The following DOP1B variants were observed in gnomAD, a reference collection of about 807,000 sequenced individuals.
DOP1B encodes DOP1 leucine zipper like protein B.
Under a neutral mutation model 233.5 loss-of-function variants are expected in DOP1B, and 174 were observed. The ratio of observed to expected loss-of-function variants is 0.75; its 90% confidence interval spans 0.66 to 0.85. The LOEUF is 0.85. Among genes scored for constraint, DOP1B ranks in the 40% least tolerant of loss-of-function variants. The pLI is 0.00. For synonymous variants in DOP1B, 1,190 were observed against 1,185.6 expected, an observed-to-expected ratio of 1.00 and a Z score of -0.08; for missense variants, 2,652 against 2,846.6, an observed-to-expected ratio of 0.93 and a Z score of 1.56.
intron 35 of DOP1B, among the ~76,000 whole-genome samples, chr21:36,289,638 T>C (rs2067534673): frequency 6.6e-6 from 1 of 152,144 alleles, no homozygotes; most frequent in Non-Finnish European, 1.5e-5. Context: ...TCCTGCCGGC[T>C]TAGCACAGCT....
chr21:36,233,201 G>A, intron 15 of DOP1B, 126 bp downstream of exon 15: 2 of 1,245,264 alleles, frequency 1.6e-6, no homozygotes, highest in Non-Finnish European at 2.2e-6. Flanking sequence ...AGGGCACTGG[G>A]CAGAGGCAGT....
At chr21:36,274,257 G>A (rs972994552) in intron 27 of DOP1B, among the ~76,000 whole-genome samples, 4 of 152,136 alleles carry the variant, frequency 2.6e-5, no homozygotes, top group Non-Finnish European at 4.4e-5. Context: ...AGGATTTTGC[G>A]CTGGTTAAGG....
chr21:36,257,869 GT>G lies in DOP1B; in HGVS notation c.5260-2807del, dbSNP rs1285388711. ...TAGGTAGGTAGGTAGAGAGATAGAT[GT>G]AGGTAGATGTAGTTAGGTAGGTAGG... On this transcript the variant is annotated intron_variant, in intron 23 of 36. Transcript: ENST00000691173. Among the ~76,000 whole-genome samples, 3 of 150,934 alleles carry G rather than the reference GT, an allele frequency of 2.0e-5. No individual in the cohort carries two copies. In the East Asian group the frequency reaches 5.9e-4, roughly 30 times the overall value.
intron 26 of DOP1B, 96 bp downstream of exon 26, chr21:36,263,910 G>A (rs888223097): frequency 2.5e-6 from 3 of 1,207,974 alleles, no homozygotes; most frequent in South Asian, 1.3e-5. Flanking sequence ...AGAGACATTG[G>A]ACAGAATCTG....
chr21:36,260,216 GGGGAA>G (rs2067153327), intron 23 of DOP1B, among the ~76,000 whole-genome samples: 3 of 145,584 alleles, frequency 2.1e-5, no homozygotes, highest in Admixed American at 6.8e-5. Context: ...GGAAGGGAAG[GGGGAA>G]GGGAAGGGGA....
chr21:36,169,926 C>G (rs182378210), intron 2 of DOP1B: 1 of 771,892 alleles, frequency 1.3e-6, no homozygotes, highest in Admixed American at 1.7e-5. Context: ...TGCCCACAAC[C>G]ACCATAGGTG....
chr21:36,276,953 C>T, intron 27 of DOP1B, 68 bp from the exon 28 acceptor site: 1 of 1,527,504 alleles, frequency 6.5e-7, no homozygotes, highest in South Asian at 1.2e-5. Context: ...TCATGCAGGG[C>T]TTTTGGGGAC....
At chr21:36,166,542 A>G (rs1464116777) in intron 2 of DOP1B, among the ~76,000 whole-genome samples, 1 of 152,140 alleles carries the variant, frequency 6.6e-6, no homozygotes, top group Non-Finnish European at 1.5e-5. Flanking sequence ...ATATTTTCCC[A>G]TCCTTTCTTT....
At chr21:36,165,986 G>A (rs2065907817) in intron 2 of DOP1B, among the ~76,000 whole-genome samples, 1 of 151,474 alleles carries the variant, frequency 6.6e-6, no homozygotes, top group Non-Finnish European at 1.5e-5. Flanking sequence ...CAAAGTGCTG[G>A]GGTCACAGGC....
Position 36,214,173 on chromosome 21 carries a change from A to G in DOP1B, c.997A>G (p.Lys333Glu), listed in dbSNP as rs755041429. The change falls in exon 8 of 37, where the codon AAG becomes GAG. Residue 333 changes from lysine (K) to glutamate (E), a missense_variant. By Grantham distance (56) the Lys-to-Glu change is moderately conservative (BLOSUM62 1). Transcript: ENST00000691173. ...GTCTTATTTTTTTGAAAAATACTCC[A>G]AGGATCTTTTAGTTGAGGTAAAGGA... Reference protein sequence around the residue: ...QSSYFFEKYSKDLLVEGLAEI... With the variant: ...QSSYFFEKYSEDLLVEGLAEI... 1.2e-6 allele frequency: 2 copies of G among 1,612,076 alleles called. No homozygotes were observed. The highest frequency in any genetic ancestry group is 8.5e-7 in the Non-Finnish European group (1 of 1,178,922).
At chr21:36,260,872 C>T in intron 24 of DOP1B, 140 bp downstream of exon 24, 10 of 1,499,698 alleles carry the variant, frequency 6.7e-6, no homozygotes, top group Non-Finnish European at 8.8e-6. Context: ...GTCATAATTT[C>T]TTCCCAAGGT....
At position 36,245,576 on chromosome 21, in the gene DOP1B, A is replaced by G. The variant is rs940939073; in HGVS notation, c.3596A>G (p.Asp1199Gly). 3.1e-6 allele frequency: 5 copies of G among 1,613,378 alleles called. No homozygotes were observed. In the Admixed American group the frequency reaches 5.0e-5, roughly 16 times the overall value. The change falls in exon 19 of 37, where the codon GAC becomes GGC. Residue 1199 changes from aspartate (D) to glycine (G), a missense_variant. By Grantham distance (94) the Asp-to-Gly change is moderately conservative. Transcript: ENST00000691173. The surrounding 1 kb of genome is among the most constrained non-coding windows in gnomAD (Gnocchi z 5.5). ...TCGTTCTCCAGCGACGAGGAGGCGG[A>G]CTTGGAGCTCCAGGCCCTCACCACA... ...SESFSSDEEA[D>G]LELQALTTSR...
In DOP1B at chr21:36,245,194, G is replaced by C. The variant is rs748940406; in HGVS notation, c.3214G>C (p.Glu1072Gln). 6.2e-7 allele frequency: 1 copy of C among 1,613,966 alleles called. No homozygotes were observed. Among genetic ancestry groups the C allele is most frequent in the Non-Finnish European group, 8.5e-7 (1 of 1,180,050 alleles). ...CCGTGAAGCCATTTGGGCCGAAGTG[G>C]AGAAGGAGCCCGAGAAGTACCCGCT... is the stretch of plus-strand genomic sequence containing the variant. ...VDREAIWAEVEKEPEKYPLRG... is the reference protein window; with the variant it reads ...VDREAIWAEVQKEPEKYPLRG... Residue 1072 changes from glutamate to glutamine, a missense_variant, in exon 19 of 37, where the codon GAG becomes CAG. By Grantham distance (29) the Glu-to-Gln change is conservative (BLOSUM62 2). This residue lies in a region of DOP1B where 2,617 missense variants were observed against 2,794.3 expected (regional missense o/e 0.94). Coordinates refer to ENST00000691173, the MANE Select transcript of DOP1B (RefSeq NM_001320714.2). The surrounding 1 kb of genome is among the most constrained non-coding windows in gnomAD (Gnocchi z 5.5).
chr21:36,232,744 T>G lies in DOP1B; in HGVS notation c.2351-60T>G, dbSNP rs569115702. 122 of 1,601,890 alleles carry G rather than the reference T, an allele frequency of 7.6e-5. No homozygotes were observed. The African/African-American group carries it at 1.4e-3, about 18-fold the overall frequency. On this transcript the variant is annotated intron_variant, in intron 14 of 36. Coordinates refer to ENST00000691173, the MANE Select transcript of DOP1B (RefSeq NM_001320714.2). ...CTAGGGTGCTGTAGAATCTGCAGAC[T>G]GGGGACCCATTCTCACGTGGTTCTG...
At chr21:36,274,124 A>G (rs780750083) in intron 27 of DOP1B, among the ~76,000 whole-genome samples, 51 of 152,152 alleles carry the variant, frequency 3.4e-4, no homozygotes, top group Admixed American at 1.5e-3. Flanking sequence ...CCCACTTGCC[A>G]CAGGTAGCCT....
At chr21:36,257,709 TGTAG>T (rs147594587) in intron 23 of DOP1B, among the ~76,000 whole-genome samples, 6,282 of 138,050 alleles carry the variant, frequency 0.046, 238 homozygotes, top group East Asian at 0.23. Context: ...GAGAGATGGA[TGTAG>T]GTAGGTAGGT....
intron 1 of DOP1B, among the ~76,000 whole-genome samples, chr21:36,161,741 C>T (rs573542592): frequency 2.0e-5 from 3 of 152,292 alleles, no homozygotes; most frequent in South Asian, 2.1e-4. Flanking sequence ...TGAGAAAGAT[C>T]GCCGTGCCCA....
At chr21:36,286,605 C>T (rs1414889456) in intron 32 of DOP1B, among the ~76,000 whole-genome samples, 1 of 150,352 alleles carries the variant, frequency 6.7e-6, no homozygotes, top group African/African-American at 2.5e-5. Flanking sequence ...CACTGTACTC[C>T]AGCCTGAGTG....
chr21:36,281,539 T>C lies in DOP1B; in HGVS notation c.6088T>C (p.Leu2030=). Residue 2030 remains leucine (L), a synonymous_variant, in exon 32 of 37, where the codon TTA becomes CTA. Coordinates refer to ENST00000691173, the MANE Select transcript of DOP1B (RefSeq NM_001320714.2). ...FSSFEQKAML[L]KRQAFAVFSG... is the part of the protein sequence containing the mutation. ...AAGTTTTGAACAGAAAGCCATGCTGTTAAAGCGCCAGGCTTTTGCTGTCTT... is the reference window on the plus strand; with the variant it reads ...AAGTTTTGAACAGAAAGCCATGCTGCTAAAGCGCCAGGCTTTTGCTGTCTT... 6.2e-7 allele frequency: 1 copy of C among 1,610,600 alleles called. No homozygotes were observed. The highest frequency in any genetic ancestry group is 8.5e-7 in the Non-Finnish European group (1 of 1,177,026).
Sources: gnomAD v4.1 joint callset for allele counts (sites outside exome capture counted in the v4.1 genomes callset) on GRCh38, gnomAD v4.1.1 for gene constraint, gnomAD v4.1.1 regional missense constraint, Gnocchi (gnomAD v3.1) non-coding constraint, MANE v1.5 for transcripts, NCBI Gene and HGNC (gene_info 2026-07-23, HGNC 2026-07-21) for gene names.